The following PPP1R9A variants were observed in gnomAD, a reference collection of about 807,000 sequenced individuals.
PPP1R9A encodes protein phosphatase 1 regulatory subunit 9A.
In PPP1R9A, 59 loss-of-function variants were observed where a neutral mutation model predicts 141.9. The ratio of observed to expected loss-of-function variants is 0.42; its 90% CI spans 0.34 to 0.52. The LOEUF is 0.52. Among genes scored for constraint, PPP1R9A ranks in the 20% least tolerant of loss-of-function variants. The probability of loss-of-function intolerance (pLI) is 0.10; values close to 1 mark genes in which losing one functional copy is unlikely to be tolerated. For missense variants in PPP1R9A, 1,444 were observed against 1,611.9 expected (o/e 0.90, Z 1.78); for synonymous variants, 500 against 569.7 (o/e 0.88, Z 1.74).
chr7:95,232,033 C>G (rs1420349077), intron 8 of PPP1R9A, among the ~76,000 whole-genome samples: 2 of 151,934 alleles, frequency 1.3e-5, no homozygotes, highest in Non-Finnish European at 2.9e-5. Flanking sequence ...TCCAGATAAG[C>G]TCAGTTACAA....
At chr7:95,242,394 T>G (rs1328720952) in intron 8 of PPP1R9A, among the ~76,000 whole-genome samples, 1 of 152,172 alleles carries the variant, frequency 6.6e-6, no homozygotes, top group Admixed American at 6.6e-5. Context: ...ACTAGAGCTC[T>G]CTTAAAACAT....
chr7:95,068,473 GA>G (rs36043693), intron 2 of PPP1R9A, among the ~76,000 whole-genome samples: 57 of 94,236 alleles, frequency 6.0e-4, no homozygotes, highest in African/African-American at 1.9e-3. Flanking sequence ...CTTGTCTCAA[GA>G]AAAAAAAAAA....
rs779301680 is a variant in PPP1R9A at position 95,251,832 on chromosome 7, G to A, written c.2467G>A (p.Val823Met). 19 of 1,613,772 alleles carry A rather than the reference G, an allele frequency of 1.2e-5. No individual in the cohort carries two copies. The South Asian group carries it at 1.6e-4, about 14-fold the overall frequency. The change falls in exon 11 of 20, where the codon GTG becomes ATG. Residue 823 changes from valine to methionine, a missense_variant. Transcript: ENST00000433360. ...AGAAGATTTGGAAAAAGCTCATCTT[G>A]TGGAAGTGCAAGGCCTCCAAGTGCG... ...KIEDLEKAHLVEVQGLQVRIR... is the reference protein window; with the variant it reads ...KIEDLEKAHLMEVQGLQVRIR...
intron 6 of PPP1R9A, among the ~76,000 whole-genome samples, chr7:95,200,975 G>T (rs1031373539): frequency 6.6e-6 from 1 of 152,186 alleles, no homozygotes; most frequent in Non-Finnish European, 1.5e-5. Flanking sequence ...ACACTGTGCT[G>T]TTTTTGAGTA....
At chr7:94,965,333 A>C (rs1798087126) in intron 2 of PPP1R9A, among the ~76,000 whole-genome samples, 2 of 151,812 alleles carry the variant, frequency 1.3e-5, no homozygotes, top group African/African-American at 4.8e-5. Flanking sequence ...ATTAGGTCTC[A>C]TTTATCAATT....
At chr7:95,013,957 A>G (rs943483744) in intron 2 of PPP1R9A, among the ~76,000 whole-genome samples, 7 of 152,080 alleles carry the variant, frequency 4.6e-5, no homozygotes, top group Non-Finnish European at 8.8e-5. Flanking sequence ...AAATGGAAAC[A>G]TTTTATCATA....
chr7:95,042,956 C>G (rs1809474385), intron 2 of PPP1R9A, among the ~76,000 whole-genome samples: 1 of 151,802 alleles, frequency 6.6e-6, no homozygotes, highest in Admixed American at 6.6e-5. Flanking sequence ...TTTAGGTACT[C>G]CATTTGCTAC....
At chr7:95,100,587 A>C (rs149087861) in intron 2 of PPP1R9A, among the ~76,000 whole-genome samples, 1 of 152,266 alleles carries the variant, frequency 6.6e-6, no homozygotes, top group African/African-American at 2.4e-5. Flanking sequence ...TGTATTGCAT[A>C]AGGGAAGAAA....
intron 2 of PPP1R9A, chr7:95,018,310 C>T (rs1033363836): frequency 4.3e-6 from 1 of 230,040 alleles, no homozygotes; most frequent in African/African-American, 2.3e-5. Context: ...TGCCAACAAT[C>T]ATTAAATGTC....
chr7:95,093,252 G>T (rs1817598855), intron 2 of PPP1R9A, among the ~76,000 whole-genome samples: 1 of 152,128 alleles, frequency 6.6e-6, no homozygotes, highest in Admixed American at 6.5e-5. Context: ...TGCCACAGTT[G>T]TGGGACATTA....
At chr7:95,209,206 T>G (rs1791559036) in intron 7 of PPP1R9A, among the ~76,000 whole-genome samples, 1 of 152,232 alleles carries the variant, frequency 6.6e-6, no homozygotes, top group African/African-American at 2.4e-5. Flanking sequence ...ATCTGCTGTG[T>G]ATAATGTACT....
chr7:95,116,986 C>T (rs1318490771), intron 3 of PPP1R9A, among the ~76,000 whole-genome samples: 2 of 151,986 alleles, frequency 1.3e-5, no homozygotes, highest in African/African-American at 4.8e-5. Context: ...TTCATTACAG[C>T]ATAGGTAAAA....
chr7:95,228,723 A>T (rs1019962155), intron 8 of PPP1R9A, among the ~76,000 whole-genome samples: 1 of 152,224 alleles, frequency 6.6e-6, no homozygotes, highest in African/African-American at 2.4e-5. Context: ...TGTTGTAATT[A>T]TGTTAAACTA....
At chr7:95,080,588 A>G (rs1815650758) in intron 2 of PPP1R9A, among the ~76,000 whole-genome samples, 1 of 152,158 alleles carries the variant, frequency 6.6e-6, no homozygotes, top group African/African-American at 2.4e-5. Context: ...GGAAAAAACT[A>G]CTTTAAAGTT....
chr7:95,290,039 C>T, intron 19 of PPP1R9A, 52 bp from the exon 20 acceptor site: 1 of 1,602,568 alleles, frequency 6.2e-7, no homozygotes, highest in African/African-American at 1.3e-5. Flanking sequence ...TTAACACCAT[C>T]AGAGGGCTCA....
At chr7:95,048,178 G>A (rs1810297144) in intron 2 of PPP1R9A, among the ~76,000 whole-genome samples, 1 of 152,044 alleles carries the variant, frequency 6.6e-6, no homozygotes, top group African/African-American at 2.4e-5. Flanking sequence ...TTGTTCACTA[G>A]GATGACAAAA....
chr7:95,042,484 C>T (rs527914420), intron 2 of PPP1R9A, among the ~76,000 whole-genome samples: 1 of 152,328 alleles, frequency 6.6e-6, no homozygotes, highest in South Asian at 2.1e-4. Context: ...CATTTTTCAT[C>T]TCATCAAGTG....
intron 2 of PPP1R9A, among the ~76,000 whole-genome samples, chr7:95,038,756 A>T (rs1389252134): frequency 6.6e-6 from 1 of 152,192 alleles, no homozygotes; most frequent in Non-Finnish European, 1.5e-5. Flanking sequence ...GTTTAGTATA[A>T]TCAGAGATTA....
At chr7:95,043,069 A>G (rs1809492382) in intron 2 of PPP1R9A, among the ~76,000 whole-genome samples, 1 of 152,246 alleles carries the variant, frequency 6.6e-6, no homozygotes, top group African/African-American at 2.4e-5. Context: ...GCATATATAA[A>G]AAATGAGGCT....
Sources: gnomAD v4.1 joint callset for allele counts (sites outside exome capture counted in the v4.1 genomes callset) on GRCh38, gnomAD v4.1.1 for gene constraint, MANE v1.5 for transcripts, NCBI Gene and HGNC (gene_info 2026-07-23, HGNC 2026-07-21) for gene names.